ADAM10: variants seen among roughly 807,000 people sequenced by gnomAD.
ADAM10 encodes the protein disintegrin and metalloproteinase domain-containing protein 10.
Under a neutral mutation model 90.1 loss-of-function variants are expected in ADAM10, and 17 were observed. The ratio of observed to expected loss-of-function variants is 0.19; its 90% CI spans 0.13 to 0.28. The LOEUF is 0.28. Ranked by LOEUF, ADAM10 falls within the 10% of genes least tolerant of loss-of-function variation. The pLI is 1.00. For missense variants in ADAM10, 610 were observed against 914.3 expected, an observed-to-expected ratio of 0.67 and a Z score of 4.29; for synonymous variants, 310 against 298.6, an observed-to-expected ratio of 1.04 and a Z score of -0.40.
intron 1 of ADAM10, among the ~76,000 whole-genome samples, chr15:58,746,314 GA>G (rs1203170129): frequency 2.0e-5 from 3 of 152,144 alleles, no homozygotes; most frequent in Non-Finnish European, 4.4e-5. Flanking sequence ...AAGGTCCTTA[GA>G]AAAATTTTAA....
intron 4 of ADAM10, among the ~76,000 whole-genome samples, chr15:58,666,453 A>G (rs572201942): frequency 1.3e-5 from 2 of 152,002 alleles, no homozygotes; most frequent in African/African-American, 4.8e-5. Context: ...CTGAATTTCC[A>G]GAGTCTATTC....
At chr15:58,683,856 T>G (rs1185795790) in intron 2 of ADAM10, among the ~76,000 whole-genome samples, 2 of 56,372 alleles carry the variant, frequency 3.5e-5, no homozygotes, top group Admixed American at 2.4e-4. Context: ...TGAGGCTCCA[T>G]CTCAAAAAAA....
At chr15:58,636,697 A>G (rs1272696012) in intron 8 of ADAM10, among the ~76,000 whole-genome samples, 2 of 152,164 alleles carry the variant, frequency 1.3e-5, no homozygotes, top group Non-Finnish European at 2.9e-5. Flanking sequence ...TATCTGTCCT[A>G]AACTTCAAAA....
At chr15:58,724,317 G>A (rs992997821) in intron 1 of ADAM10, among the ~76,000 whole-genome samples, 1 of 152,032 alleles carries the variant, frequency 6.6e-6, no homozygotes, top group African/African-American at 2.4e-5. Context: ...ACTCACACTA[G>A]ACAGATTCTA....
chr15:58,710,705 AC>A (rs11340382), intron 2 of ADAM10, among the ~76,000 whole-genome samples: 26,244 of 152,092 alleles, frequency 0.17, 2,661 homozygotes, highest in East Asian at 0.52. Context: ...AAGAGATTTA[AC>A]TACCATCAGT....
chr15:58,742,821 T>C (rs1409418761), intron 1 of ADAM10, among the ~76,000 whole-genome samples: 1 of 152,122 alleles, frequency 6.6e-6, no homozygotes, highest in Non-Finnish European at 1.5e-5. Context: ...GCATTAACGA[T>C]CATTAATTAA....
intron 10 of ADAM10, among the ~76,000 whole-genome samples, chr15:58,627,049 T>C (rs1021467020): frequency 1.2e-4 from 18 of 152,142 alleles, no homozygotes; most frequent in Non-Finnish European, 2.1e-4. Flanking sequence ...AAGGTATTCA[T>C]GATAGGAGAG....
chr15:58,647,765 C>T (rs1423507496), intron 5 of ADAM10, among the ~76,000 whole-genome samples: 1 of 152,138 alleles, frequency 6.6e-6, no homozygotes, highest in Non-Finnish European at 1.5e-5. Context: ...GTTGCCCAGG[C>T]TGGTCATGAG....
intron 2 of ADAM10, chr15:58,686,486 A>G: frequency 7.1e-7 from 1 of 1,412,438 alleles, no homozygotes; most frequent in Admixed American, 1.9e-5. Flanking sequence ...CGTGGAGAGG[A>G]TCAATGTCTC....
intron 1 of ADAM10, among the ~76,000 whole-genome samples, chr15:58,743,613 T>G (rs1899684745): frequency 6.6e-6 from 1 of 152,122 alleles, no homozygotes; most frequent in African/African-American, 2.4e-5. Context: ...AATACTTTTT[T>G]TTTTTTTTGA....
intron 1 of ADAM10, among the ~76,000 whole-genome samples, chr15:58,730,381 A>G (rs979136722): frequency 1.3e-5 from 2 of 152,226 alleles, no homozygotes; most frequent in African/African-American, 4.8e-5. Context: ...ATTCATTTAC[A>G]TATTTTCTAT....
chr15:58,617,713 T>C (rs1895658196), intron 11 of ADAM10, among the ~76,000 whole-genome samples: 1 of 152,094 alleles, frequency 6.6e-6, no homozygotes, highest in South Asian at 2.1e-4. Context: ...TTCAGAATAG[T>C]TGCAGGATAC....
At chr15:58,647,243 TAAG>T (rs1896568641) in intron 5 of ADAM10, among the ~76,000 whole-genome samples, 2 of 133,732 alleles carry the variant, frequency 1.5e-5, no homozygotes, top group Non-Finnish European at 3.1e-5. Flanking sequence ...GAGTAGACAC[TAAG>T]TATTTTTTTT....
Position 58,695,002 on chromosome 15 carries a change from C to T in ADAM10, c.207-12688G>A, listed in dbSNP as rs530728881. Among the ~76,000 whole-genome samples the T allele has an allele frequency of 1.5e-4, 23 of 152,272 alleles. No homozygotes were observed. In the South Asian group the frequency reaches 1.7e-3, roughly 11 times the overall value. On this transcript the variant is annotated intron_variant, in intron 2 of 15. Coordinates refer to ENST00000260408, the MANE Select transcript of ADAM10 (RefSeq NM_001110.4). The stretch of plus-strand genomic sequence containing the variant: ...TATATACATTTGCCAAAATGCACCT[C>T]TAACTATATACCTAACATGAATATA...
At chr15:58,736,160 G>A (rs1030641214) in intron 1 of ADAM10, among the ~76,000 whole-genome samples, 1 of 152,104 alleles carries the variant, frequency 6.6e-6, no homozygotes, top group African/African-American at 2.4e-5. Flanking sequence ...CACCAGAAGA[G>A]GCCATAATGA....
intron 5 of ADAM10, among the ~76,000 whole-genome samples, chr15:58,660,557 A>G (rs1896940925): frequency 6.6e-6 from 1 of 152,046 alleles, no homozygotes; most frequent in Non-Finnish European, 1.5e-5. Context: ...GCCTCAAGCA[A>G]TCTTCACACC....
In ADAM10 at chr15:58,594,077, T is replaced by G. The variant is rs1487550206; in HGVS notation, c.*3470A>C. 1 of 152,220 alleles carries G rather than the reference T, an allele frequency of 6.6e-6. No homozygotes were observed. Among genetic ancestry groups the G allele is most frequent in the Non-Finnish European group, 1.5e-5 (1 of 68,032 alleles). The allele number at this position is 152,220 out of a possible 1,614,324, so 9.4% of individuals were successfully genotyped here. ...TTTCTAGTTTCTAAGAAGTTGAAAG[T>G]GGTTTTGGGGAAACTAAAATTTCTT... On this transcript the variant is annotated 3_prime_UTR_variant, in exon 16 of 16. Transcript: ENST00000260408.
chr15:58,655,711 G>GTGTGTGTATA (rs1212041296), intron 5 of ADAM10, among the ~76,000 whole-genome samples: 1 of 53,712 alleles, frequency 1.9e-5, no homozygotes, highest in Non-Finnish European at 3.2e-5. Context: ...TATATATATA[G>GTGTGTGTATA]TATATATATA....
intron 6 of ADAM10, among the ~76,000 whole-genome samples, 165 bp from the exon 7 acceptor site, chr15:58,644,143 G>C (rs1420938217): frequency 1.3e-5 from 2 of 151,538 alleles, no homozygotes; most frequent in Non-Finnish European, 2.9e-5. Context: ...AGTGAGCTGC[G>C]CTGGGAAGGG....
Sources: allele counts gnomAD v4.1 joint callset (sites outside exome capture counted in the v4.1 genomes callset), GRCh38; gene constraint gnomAD v4.1.1; transcripts MANE v1.5; gene names NCBI Gene and HGNC (gene_info 2026-07-23, HGNC 2026-07-21).